LRRC27: variants seen among roughly 807,000 people sequenced by gnomAD.
LRRC27 encodes leucine-rich repeat-containing protein 27.
A neutral mutation model predicts 55.0 loss-of-function variants in LRRC27; 57 were observed. That is an observed-to-expected ratio of 1.04 (90% CI 0.84 to 1.29). LRRC27 has a LOEUF of 1.29. LRRC27 is among the 50% of genes most tolerant of loss of function. LRRC27 has a pLI of 0.00. For synonymous variants in LRRC27, 278 were observed against 251.9 expected, an observed-to-expected ratio of 1.10 and a Z score of -0.98; for missense variants, 721 against 651.5, an observed-to-expected ratio of 1.11 and a Z score of -1.16.
At chr10:132,351,554 T>C (rs2068010815) in intron 6 of LRRC27, 53 bp from the exon 7 acceptor site, 4 of 1,580,646 alleles carry the variant, frequency 2.5e-6, no homozygotes, top group Non-Finnish European at 2.6e-6. Context: ...TTGTATGAAT[T>C]ACCGTCACAG....
At chr10:132,344,039 T>G (rs2067554102) in intron 4 of LRRC27, among the ~76,000 whole-genome samples, 1 of 152,278 alleles carries the variant, frequency 6.6e-6, no homozygotes, top group Non-Finnish European at 1.5e-5. Context: ...TTTCTTCATT[T>G]GCTTGAACAT....
intron 5 of LRRC27, chr10:132,344,995 G>A: frequency 5.3e-6 from 1 of 190,014 alleles, no homozygotes; most frequent in East Asian, 1.1e-4. Context: ...TTTAAAATAA[G>A]TACAATGAAA....
At chr10:132,332,728 TACCCCCC>T (rs2066858003) in intron 1 of LRRC27, among the ~76,000 whole-genome samples, 1 of 149,262 alleles carries the variant, frequency 6.7e-6, no homozygotes, top group Non-Finnish European at 1.5e-5. Flanking sequence ...GTGTCGCCTC[TACCCCCC>T]AATTAACTGC....
upstream of LRRC27, chr10:132,330,585 G>T: frequency 4.3e-6 from 3 of 704,694 alleles, no homozygotes; most frequent in South Asian, 4.5e-5. Flanking sequence ...ATAACTCACT[G>T]CAGCCTCAAA....
rs1564853823 is a variant in LRRC27, at chr10:132,364,509, CTCCA to C, written c.1290-914_1290-911del. On this transcript the variant is annotated intron_variant, in intron 9 of 10. Coordinates refer to ENST00000368614, the MANE Select transcript of LRRC27 (RefSeq NM_030626.3). The stretch of plus-strand genomic sequence containing the variant: ...CACTTACACCCACCCTTACATCTAC[CTCCA>C]CACTCGCACTTACACCCACACTTAA... Among the ~76,000 whole-genome samples, 20 of 4,552 alleles carry C rather than the reference CTCCA, an allele frequency of 4.4e-3. 3 individuals are homozygous for C. The highest frequency in any genetic ancestry group is 0.028 in the East Asian group (2 of 72). 3.0% of individuals were successfully genotyped at this position (4,552 alleles called of 152,430 possible).
At chr10:132,373,236 G>A (rs1030599381) in intron 10 of LRRC27, among the ~76,000 whole-genome samples, 3 of 152,210 alleles carry the variant, frequency 2.0e-5, no homozygotes, top group African/African-American at 7.2e-5. Flanking sequence ...GGAAACAGAT[G>A]GGACAAGAGG....
rs561480698 is a variant in LRRC27, at chr10:132,352,658, C to T, written c.1073+905C>T. On this transcript the variant is annotated intron_variant, in intron 7 of 10. Transcript: ENST00000368614. ...CGTGTGGGGCAGGCGCTGAGGCCTC[C>T]GTGTGGGGCAGGCGCTGAGGCCTCC... is the stretch of plus-strand genomic sequence containing the variant. 6.0e-4 allele frequency among the ~76,000 whole-genome samples: 83 copies of T among 137,986 alleles called. 12 individuals are homozygous for T. Among genetic ancestry groups the T allele is most frequent in the African/African-American group, 1.7e-3 (59 of 34,584 alleles). The allele number at this position is 137,986 out of a possible 152,430, so 90.5% of individuals were successfully genotyped here.
At chr10:132,331,322 A>T, upstream of LRRC27, 1 of 1,049,300 alleles carries the variant, frequency 9.5e-7, no homozygotes, top group East Asian at 2.6e-5. Context: ...TGGATCCTGG[A>T]ATGAAGGTGC....
At chr10:132,332,291 C>G (rs970723764) in intron 1 of LRRC27, 35 bp downstream of exon 1, 1 of 152,744 alleles carries the variant, frequency 6.5e-6, no homozygotes, top group South Asian at 2.0e-4. Flanking sequence ...CTCGCTGAGC[C>G]CTCGAGGCGG....
chr10:132,342,197 T>G lies in LRRC27; in HGVS notation c.342-16T>G. On this transcript the variant is annotated splice_polypyrimidine_tract_variant and intron_variant, in intron 3 of 10. Coordinates refer to ENST00000368614, the MANE Select transcript of LRRC27 (RefSeq NM_030626.3). ...ATCTTGCTTTTTAAATTTTTTTGTT[T>G]TGTTTTGCTTTAAAGGCATTTGAAA... The G allele has an allele frequency of 6.7e-7, 1 of 1,498,646 alleles. No homozygotes were observed. The highest frequency in any genetic ancestry group is 8.9e-7 in the Non-Finnish European group (1 of 1,117,910). The allele number at this position is 1,498,646 out of a possible 1,614,324, so 92.8% of individuals were successfully genotyped here.
intron 1 of LRRC27, chr10:132,332,628 A>G (rs1166679581): frequency 1.3e-5 from 2 of 151,892 alleles, no homozygotes; most frequent in African/African-American, 4.8e-5. Context: ...AAGTTCCGTG[A>G]TTCGGAGAAA....
In LRRC27 at chr10:132,348,901, T is replaced by C; in HGVS notation, c.926+545T>C. The stretch of plus-strand genomic sequence containing the variant: ...TCATTGTGTGGCCCACTTCCAAAGC[T>C]TGCCTTTGCCTTTGGTACAGTGAGT... On this transcript the variant is annotated intron_variant, in intron 6 of 10. Coordinates refer to ENST00000368614, the MANE Select transcript of LRRC27 (RefSeq NM_030626.3). The surrounding 1 kb of genome is among the most constrained non-coding windows in gnomAD (Gnocchi z 4.2). The C allele has an allele frequency of 8.1e-7, 1 of 1,232,644 alleles. No individual in the cohort carries two copies. Among genetic ancestry groups the C allele is most frequent in the Non-Finnish European group, 1.2e-6 (1 of 860,066 alleles). The allele number at this position is 1,232,644 out of a possible 1,614,324, so 76.4% of individuals were successfully genotyped here.
At position 132,380,419 on chromosome 10, in the gene LRRC27, G is replaced by C. The variant is rs60335764; in HGVS notation, c.*5177G>C. Among the ~76,000 whole-genome samples the C allele has an allele frequency of 6.6e-4, 100 of 152,322 alleles. No individual in the cohort carries two copies. Among genetic ancestry groups the C allele is most frequent in the African/African-American group, 2.3e-3 (97 of 41,570 alleles). ...ATTGCAGTGAGCGCAAGCATGTCAA[G>C]GATCCGCTTAAAACATCGTGTGGTG... On this transcript the variant is annotated 3_prime_UTR_variant, in exon 11 of 11. Transcript: ENST00000368614.
chr10:132,345,937 A>G (rs1402540493), intron 5 of LRRC27, among the ~76,000 whole-genome samples: 2 of 152,226 alleles, frequency 1.3e-5, no homozygotes, highest in Non-Finnish European at 2.9e-5. Flanking sequence ...AAATATGATA[A>G]AGGACATTAC....
chr10:132,360,285 C>T (rs1278445373), intron 8 of LRRC27, among the ~76,000 whole-genome samples: 4 of 152,132 alleles, frequency 2.6e-5, no homozygotes, highest in East Asian at 1.9e-4. Flanking sequence ...TTAGTAGAGA[C>T]AGGTTTCGCC....
Position 132,348,972 on chromosome 10 carries a change from C to T in LRRC27, c.926+616C>T. The stretch of plus-strand genomic sequence containing the variant: ...TTCCTTTCACACCCAGGACAAGGGT[C>T]CCTAGGAAACAGGCTCTGCAGAGAC... On this transcript the variant is annotated intron_variant, in intron 6 of 10. Transcript: ENST00000368614. This position sits in a 1 kb window ranked among gnomAD's most constrained non-coding sequence, Gnocchi z 4.2. 1 of 1,606,780 alleles carries T rather than the reference C, an allele frequency of 6.2e-7. No homozygotes were observed. The highest frequency in any genetic ancestry group is 8.5e-7 in the Non-Finnish European group (1 of 1,176,348).
chr10:132,364,398 C>A (rs2068833309), intron 9 of LRRC27, among the ~76,000 whole-genome samples: 1 of 150,250 alleles, frequency 6.7e-6, no homozygotes, highest in African/African-American at 2.5e-5. Context: ...CCCACCCTTA[C>A]ATCTACCTCC....
At chr10:132,333,807 C>T in intron 2 of LRRC27, 73 bp downstream of exon 2, 1 of 1,144,824 alleles carries the variant, frequency 8.7e-7, no homozygotes. Flanking sequence ...TACCCCTGGG[C>T]TTTATTTGTA....
In LRRC27 at chr10:132,364,717, A is replaced by T. The variant is rs540029682; in HGVS notation, c.1290-707A>T. ...ACACCGTGGGGCCCCACACTCATGC[A>T]GTCCGCGTCCACACTTACATCTACC... On this transcript the variant is annotated intron_variant, in intron 9 of 10. Coordinates refer to ENST00000368614, the MANE Select transcript of LRRC27 (RefSeq NM_030626.3). Among the ~76,000 whole-genome samples, 14 of 2,758 alleles carry T rather than the reference A, an allele frequency of 5.1e-3. No homozygotes were observed. In the East Asian group the frequency reaches 0.099, roughly 19 times the overall value. 1.8% of individuals were successfully genotyped at this position (2,758 alleles called of 152,430 possible).
Sources: gnomAD v4.1 joint callset for allele counts (sites outside exome capture counted in the v4.1 genomes callset) on GRCh38, gnomAD v4.1.1 for gene constraint, Gnocchi (gnomAD v3.1) non-coding constraint, MANE v1.5 for transcripts, NCBI Gene and HGNC (gene_info 2026-07-23, HGNC 2026-07-21) for gene names.